The following MTG1 variants were observed in gnomAD, a reference collection of about 807,000 sequenced individuals.
MTG1 encodes the protein mitochondrial ribosome associated GTPase 1.
In MTG1, 30 loss-of-function variants were observed where a neutral mutation model predicts 39.5. The observed-to-expected ratio is 0.76, with a 90% CI of 0.57 to 1.03. The LOEUF is 1.03. Ranked by LOEUF, MTG1 falls within the 50% of genes least tolerant of loss-of-function variation. The pLI is 0.00. For synonymous variants in MTG1, 217 were observed against 179.0 expected (o/e 1.21, Z -1.69); for missense variants, 513 against 447.4 (o/e 1.15, Z -1.32).
At chr10:133,401,807 C>A in intron 7 of MTG1, 1 of 695,728 alleles carries the variant, frequency 1.4e-6, no homozygotes, top group Non-Finnish European at 2.6e-6. Context: ...CGCTGTTTTC[C>A]CCATTTCCAG....
intron 1 of MTG1, among the ~76,000 whole-genome samples, chr10:133,395,409 C>T (rs1849767569): frequency 6.6e-6 from 1 of 152,074 alleles, no homozygotes; most frequent in Non-Finnish European, 1.5e-5. Flanking sequence ...AACAAAAAAG[C>T]GACCCATGCA....
intron 3 of MTG1, among the ~76,000 whole-genome samples, chr10:133,396,791 C>G (rs1052810787): frequency 6.6e-6 from 1 of 152,178 alleles, no homozygotes; most frequent in African/African-American, 2.4e-5. Flanking sequence ...GCTGAGGGGA[C>G]ATAGTGAGAC....
At chr10:133,404,129 C>CTTTTTTTTTTTTTTTTT (rs57165977) in intron 9 of MTG1, among the ~76,000 whole-genome samples, 2 of 91,172 alleles carry the variant, frequency 2.2e-5, no homozygotes, top group Non-Finnish European at 3.9e-5. Context: ...AAGTTTTAAT[C>CTTTTTTTTTTTTTTTTT]TTTTTTTTTT....
At chr10:133,413,267 T>C (rs1382660956) in intron 9 of MTG1, among the ~76,000 whole-genome samples, 2 of 152,170 alleles carry the variant, frequency 1.3e-5, no homozygotes, top group East Asian at 1.9e-4. Context: ...CCTGCCACCA[T>C]GCCCAGCTAA....
intron 9 of MTG1, among the ~76,000 whole-genome samples, chr10:133,408,348 G>A (rs1849998425): frequency 6.6e-6 from 1 of 152,112 alleles, no homozygotes; most frequent in South Asian, 2.1e-4. Flanking sequence ...TCTGTTTAAT[G>A]TTATATGTTT....
intron 9 of MTG1, among the ~76,000 whole-genome samples, chr10:133,406,355 G>A (rs1005074338): frequency 2.0e-5 from 3 of 152,028 alleles, no homozygotes; most frequent in Admixed American, 6.6e-5. Context: ...GCAGTGGTGC[G>A]ATCACAGCTC....
intron 9 of MTG1, among the ~76,000 whole-genome samples, chr10:133,412,486 A>C (rs1218683884): frequency 6.6e-6 from 1 of 152,228 alleles, no homozygotes; most frequent in African/African-American, 2.4e-5. Flanking sequence ...TTGCAAATAA[A>C]GATCATCTTA....
Position 133,394,214 on chromosome 10 carries a change from T to C in MTG1, c.-7T>C. On this transcript the variant is annotated 5_prime_UTR_variant, in exon 1 of 11. Transcript: ENST00000317502. ...GCTGCGGGAGCGTTTCCGGGGACGGTGCCGCCATGAGATTGACCCCGCGCG... is the reference window on the plus strand; with the variant it reads ...GCTGCGGGAGCGTTTCCGGGGACGGCGCCGCCATGAGATTGACCCCGCGCG... The C allele has an allele frequency of 6.6e-7, 1 of 1,513,538 alleles. No homozygotes were observed. Among genetic ancestry groups the C allele is most frequent in the Non-Finnish European group, 8.8e-7 (1 of 1,135,384 alleles). The allele number at this position is 1,513,538 out of a possible 1,614,324, so 93.8% of individuals were successfully genotyped here.
chr10:133,419,097 C>T (rs574459552), intron 9 of MTG1, among the ~76,000 whole-genome samples: 144 of 152,358 alleles, frequency 9.5e-4, no homozygotes, highest in Non-Finnish European at 1.0e-3. Context: ...CTGCTGTGCT[C>T]CTCTTTTAGT....
rs567269326 is a variant in MTG1 at position 133,402,501 on chromosome 10, C to T, written c.671-191C>T. The stretch of plus-strand genomic sequence containing the variant: ...CGGACCAGGGCAGAGAGGTTGGTCG[C>T]AGGTGCCAGGCAGGAGTGGGGGCCG... On this transcript the variant is annotated intron_variant, in intron 8 of 10. Transcript: ENST00000317502. This position sits in a 1 kb window ranked among gnomAD's most constrained non-coding sequence, Gnocchi z 4.7. The T allele has an allele frequency of 8.5e-5, 59 of 691,940 alleles. No individual in the cohort carries two copies. In the East Asian group the frequency reaches 1.5e-3, roughly 18 times the overall value. 42.9% of individuals were successfully genotyped at this position (691,940 alleles called of 1,614,324 possible). A position where few individuals can be genotyped will look rare whatever the true frequency, so the allele number is the denominator to read the frequency against.
chr10:133,412,287 C>T (rs1310726663), intron 9 of MTG1, among the ~76,000 whole-genome samples: 9 of 152,136 alleles, frequency 5.9e-5, no homozygotes, highest in Non-Finnish European at 1.2e-4. Context: ...TAACTCTTCG[C>T]TATTTTTGAT....
At position 133,421,085 on chromosome 10, in the gene MTG1, C is replaced by CTTTT. The variant is rs1199349324; in HGVS notation, c.*923_*924insTTTT. The CTTTT allele has an allele frequency of 6.6e-6, 1 of 152,318 alleles. No homozygotes were observed. The highest frequency in any genetic ancestry group is 1.5e-5 in the Non-Finnish European group (1 of 68,120). 9.4% of individuals were successfully genotyped at this position (152,318 alleles called of 1,614,324 possible). On this transcript the variant is annotated 3_prime_UTR_variant, in exon 11 of 11. Transcript: ENST00000317502. The stretch of plus-strand genomic sequence containing the variant: ...TCCTGTGCAGAAGCTCCGGCTGCCT[C>CTTTT]TTTGCGGTGGTGGCCTGACCGTCCC...
intron 9 of MTG1, among the ~76,000 whole-genome samples, chr10:133,414,972 C>T (rs985263568): frequency 2.0e-5 from 3 of 152,230 alleles, no homozygotes; most frequent in South Asian, 2.1e-4. Flanking sequence ...GAGACCAGCC[C>T]GGCCAACACA....
chr10:133,399,317 CG>C (rs1849834128), intron 5 of MTG1, 91 bp downstream of exon 5: 1 of 1,473,694 alleles, frequency 6.8e-7, no homozygotes, highest in Non-Finnish European at 9.4e-7. Flanking sequence ...GAAGGCGCAG[CG>C]CCCCAGGCAG....
intron 9 of MTG1, among the ~76,000 whole-genome samples, chr10:133,418,027 T>G (rs1850160760): frequency 6.6e-6 from 1 of 152,180 alleles, no homozygotes; most frequent in Admixed American, 6.5e-5. Context: ...TGAGATGGCA[T>G]CTCACTCTGT....
At chr10:133,395,836 T>A (rs2133489862) in intron 2 of MTG1, 59 bp downstream of exon 2, 1 of 1,548,580 alleles carries the variant, frequency 6.5e-7, no homozygotes, top group East Asian at 2.3e-5. Flanking sequence ...CACATTAGAA[T>A]TACCTGGGGA....
At chr10:133,394,851 C>T (rs778789337) in intron 1 of MTG1, 4 of 629,468 alleles carry the variant, frequency 6.4e-6, no homozygotes, top group Non-Finnish European at 7.9e-6. Context: ...CCAGCCCAGC[C>T]CGTCTAGGTG....
chr10:133,398,733 G>A (rs1849825181), intron 4 of MTG1, among the ~76,000 whole-genome samples: 1 of 152,198 alleles, frequency 6.6e-6, no homozygotes, highest in Non-Finnish European at 1.5e-5. Flanking sequence ...GGTTGTAGGT[G>A]GTCAGAGTCT....
Position 133,394,341 on chromosome 10 carries a change from C to T in MTG1, c.112+9C>T. On this transcript the variant is annotated intron_variant, in intron 1 of 10. Transcript: ENST00000317502. The stretch of plus-strand genomic sequence containing the variant: ...GGGCCACATGGCCAAGGGTGAGGCA[C>T]GGCGGGGAGGGGCAAGGTCATGCCT... The T allele has an allele frequency of 6.7e-7, 1 of 1,490,998 alleles. No homozygotes were observed. The highest frequency in any genetic ancestry group is 8.9e-7 in the Non-Finnish European group (1 of 1,124,408). The allele number at this position is 1,490,998 out of a possible 1,614,324, so 92.4% of individuals were successfully genotyped here.
Sources: gnomAD v4.1 joint callset for allele counts (sites outside exome capture counted in the v4.1 genomes callset) on GRCh38, gnomAD v4.1.1 for gene constraint, Gnocchi (gnomAD v3.1) non-coding constraint, MANE v1.5 for transcripts, NCBI Gene and HGNC (gene_info 2026-07-23, HGNC 2026-07-21) for gene names.